IL18: variants seen among roughly 807,000 people sequenced by gnomAD.
IL18 encodes the protein interleukin-18.
IL18 carries 8 observed loss-of-function variants against 14.2 expected under a neutral mutation model. That is an observed-to-expected ratio of 0.56 (90% CI 0.33 to 1.01). The LOEUF is 1.01. Among genes scored for constraint, IL18 ranks in the 50% least tolerant of loss-of-function variants. The pLI, the probability that IL18 is intolerant of heterozygous loss-of-function variation, is 0.03. For synonymous variants in IL18, 67 were observed against 71.0 expected (o/e 0.94, Z 0.28); for missense variants, 166 against 231.1 (o/e 0.72, Z 1.83).
rs779845094 is a variant in IL18, at chr11:112,154,949, T to C, written c.79+26A>G. 8.0e-6 allele frequency: 11 copies of C among 1,379,154 alleles called. No homozygotes were observed. In the African/African-American group the frequency reaches 1.0e-4, roughly 12 times the overall value. The allele number at this position is 1,379,154 out of a possible 1,614,324, so 85.4% of individuals were successfully genotyped here. On this transcript the variant is annotated intron_variant, in intron 2 of 5. Coordinates refer to ENST00000280357, the MANE Select transcript of IL18 (RefSeq NM_001562.4). The stretch of plus-strand genomic sequence containing the variant: ...ATTGAATAGATTTATCTGAACCTGG[T>C]ATTTGTTCTATGGCATTAGCCTTAC...
intron 4 of IL18, among the ~76,000 whole-genome samples, chr11:112,149,599 G>A (rs1008731079): frequency 1.6e-5 from 2 of 125,858 alleles, no homozygotes; most frequent in African/African-American, 6.1e-5. Context: ...TAGAGACAAG[G>A]TCTGTATATC....
At chr11:112,161,536 T>G (rs1424320475) in intron 1 of IL18, among the ~76,000 whole-genome samples, 1 of 152,238 alleles carries the variant, frequency 6.6e-6, no homozygotes, top group African/African-American at 2.4e-5. Context: ...CGGTGGCTTA[T>G]GCCTGTAATA....
chr11:112,152,007 T>G (rs1866447628), intron 3 of IL18, among the ~76,000 whole-genome samples: 1 of 152,238 alleles, frequency 6.6e-6, no homozygotes, highest in Non-Finnish European at 1.5e-5. Context: ...ATGCCATTTC[T>G]ATGCATAAGC....
chr11:112,150,145 C>G lies in IL18; in HGVS notation c.153G>C (p.Leu51Phe). 6.2e-7 allele frequency: 1 copy of G among 1,605,006 alleles called. No homozygotes were observed. The highest frequency in any genetic ancestry group is 1.1e-5 in the South Asian group (1 of 90,670). ...GGTCAATGAAGAGAACTTGGTCATTCAAATTTCTTATGACTGATAATTTAG... is the reference window on the plus strand; with the variant it reads ...GGTCAATGAAGAGAACTTGGTCATTGAAATTTCTTATGACTGATAATTTAG... ...LESKLSVIRNLNDQVLFIDQG... is the reference protein window; with the variant it reads ...LESKLSVIRNFNDQVLFIDQG... Residue 51 changes from leucine (L) to phenylalanine (F), a missense_variant, in exon 4 of 6, where the codon TTG becomes TTC. Coordinates refer to ENST00000280357, the MANE Select transcript of IL18 (RefSeq NM_001562.4).
rs1013360569 is a variant in IL18 at position 112,161,336 on chromosome 11, G to A, written c.-9+2570C>T. On this transcript the variant is annotated intron_variant, in intron 1 of 5. Coordinates refer to ENST00000280357, the MANE Select transcript of IL18 (RefSeq NM_001562.4). ...GTTGGCTAGTCAGTCTTTAAGGTCT[G>A]TTCCAGCTCTACCAACCTGCAATTC... is the stretch of plus-strand genomic sequence containing the variant. Among the ~76,000 whole-genome samples the A allele has an allele frequency of 2.6e-5, 4 of 152,164 alleles. No individual in the cohort carries two copies. In the East Asian group the frequency reaches 7.7e-4, roughly 29 times the overall value.
intron 4 of IL18, 27 bp downstream of exon 4, chr11:112,150,045 T>C: frequency 6.3e-7 from 1 of 1,581,888 alleles, no homozygotes; most frequent in South Asian, 1.2e-5. Flanking sequence ...GCTAGTCATT[T>C]CTATGTTTGC....
chr11:112,153,288 T>C (rs999382459), intron 3 of IL18: 7 of 275,948 alleles, frequency 2.5e-5, no homozygotes, highest in Non-Finnish European at 4.8e-5. Flanking sequence ...ACGCTCCCCC[T>C]ACAACAGAAT....
intron 1 of IL18, among the ~76,000 whole-genome samples, chr11:112,162,328 T>C (rs923674602): frequency 6.9e-6 from 1 of 145,360 alleles, no homozygotes; most frequent in South Asian, 2.4e-4. Context: ...GCGATGTTTT[T>C]TTCTTTTCTT....
At chr11:112,159,691 AGG>A (rs769470931) in intron 1 of IL18, among the ~76,000 whole-genome samples, 3 of 152,212 alleles carry the variant, frequency 2.0e-5, no homozygotes, top group East Asian at 1.9e-4. Flanking sequence ...GGGTTTCAGG[AGG>A]GGCTGCTCGA....
intron 4 of IL18, 61 bp from the exon 5 acceptor site, chr11:112,148,797 C>A: frequency 8.7e-7 from 1 of 1,151,136 alleles, no homozygotes; most frequent in Non-Finnish European, 1.2e-6. Context: ...GGAACATTTG[C>A]GGAAATTTAA....
chr11:112,158,974 G>GA (rs370658794), intron 1 of IL18, among the ~76,000 whole-genome samples: 4,421 of 149,598 alleles, frequency 0.03, 147 homozygotes, highest in African/African-American at 0.08. Flanking sequence ...GTTTTTTCCT[G>GA]AAAAAAAAAA....
Position 112,143,704 on chromosome 11 carries a change from T to A in IL18, c.474A>T (p.Gly158=). 1 of 1,612,464 alleles carries A rather than the reference T, an allele frequency of 6.2e-7. No individual in the cohort carries two copies. The highest frequency in any genetic ancestry group is 8.5e-7 in the Non-Finnish European group (1 of 1,178,572). The change falls in exon 6 of 6, where the codon GGA becomes GGT. Residue 158 remains glycine, a synonymous_variant. Transcript: ENST00000280357. The part of the protein sequence containing the change: ...KMQFESSSYE[G]YFLACEKERD... Reference sequence around the variant, plus strand: ...TCTCTTTTTCACAAGCTAGAAAGTATCCTTCGTATGATGAAGATTCAAATT... The same window carrying A: ...TCTCTTTTTCACAAGCTAGAAAGTAACCTTCGTATGATGAAGATTCAAATT...
intron 2 of IL18, among the ~76,000 whole-genome samples, chr11:112,154,581 T>C (rs770147735): frequency 2.0e-5 from 3 of 152,216 alleles, no homozygotes; most frequent in Non-Finnish European, 4.4e-5. Context: ...CACAGAACTC[T>C]AAATTTAGAG....
At chr11:112,146,023 G>C (rs1254029803) in intron 5 of IL18, among the ~76,000 whole-genome samples, 6 of 131,206 alleles carry the variant, frequency 4.6e-5, no homozygotes, top group Non-Finnish European at 9.4e-5. Flanking sequence ...AAGGGGAAAG[G>C]GATTTCTTTC....
chr11:112,143,778 C>A lies in IL18; in HGVS notation c.400G>T (p.Asp134Tyr). The change falls in exon 6 of 6, where the codon GAC becomes TAC. Residue 134 changes from aspartate to tyrosine, a missense_variant. Coordinates refer to ENST00000280357, the MANE Select transcript of IL18 (RefSeq NM_001562.4). ...PPDNIKDTKS[D>Y]IIFFQRSVPG... Reference sequence around the variant, plus strand: ...ACACTTCTCTGAAAGAATATGATGTCACTTTTTGTATCCTTGATGTTATCA... The same window carrying A: ...ACACTTCTCTGAAAGAATATGATGTAACTTTTTGTATCCTTGATGTTATCA... The A allele has an allele frequency of 6.2e-7, 1 of 1,611,776 alleles. No homozygotes were observed. The highest frequency in any genetic ancestry group is 1.1e-5 in the South Asian group (1 of 90,996).
Position 112,153,622 on chromosome 11 carries a change from G to A in IL18, c.80-19C>T. On this transcript the variant is annotated intron_variant, in intron 2 of 5. Transcript: ENST00000280357. ...TCTTCAGCTAAGAGGGGGAAAAAGA[G>A]AGAAACAGAATATGTAAAATTTTGT... 1 of 1,540,592 alleles carries A rather than the reference G, an allele frequency of 6.5e-7. No homozygotes were observed. Among genetic ancestry groups the A allele is most frequent in the Non-Finnish European group, 8.8e-7 (1 of 1,132,194 alleles).
chr11:112,157,113 TATC>T (rs1417616496), intron 1 of IL18, among the ~76,000 whole-genome samples: 4 of 152,208 alleles, frequency 2.6e-5, no homozygotes, highest in African/African-American at 9.6e-5. Context: ...AAGGCCCTAT[TATC>T]AGCATCAGAA....
chr11:112,145,930 A>C (rs1323517598), intron 5 of IL18, among the ~76,000 whole-genome samples: 1 of 152,044 alleles, frequency 6.6e-6, no homozygotes, highest in African/African-American at 2.4e-5. Flanking sequence ...GAAGGTACAT[A>C]GCAAATGGAT....
chr11:112,161,669 T>A (rs1866634907), intron 1 of IL18, among the ~76,000 whole-genome samples: 2 of 152,120 alleles, frequency 1.3e-5, no homozygotes, highest in African/African-American at 2.4e-5. Context: ...CATGGTGGCA[T>A]GTGCCTTGTA....
Sources: gnomAD v4.1 joint callset for allele counts (sites outside exome capture counted in the v4.1 genomes callset) on GRCh38, gnomAD v4.1.1 for gene constraint, MANE v1.5 for transcripts, NCBI Gene and HGNC (gene_info 2026-07-23, HGNC 2026-07-21) for gene names.